CACNA2D2: variants seen among roughly 807,000 people sequenced by gnomAD.
The protein encoded by CACNA2D2 is calcium voltage-gated channel auxiliary subunit alpha2delta 2.
A neutral mutation model predicts 166.4 loss-of-function variants in CACNA2D2; 48 were observed. That is an observed-to-expected ratio of 0.29 (90% CI 0.23 to 0.37). CACNA2D2 has a LOEUF of 0.37. Among genes scored for constraint, CACNA2D2 ranks in the 10% least tolerant of loss-of-function variants. CACNA2D2 has a pLI of 1.00. For missense variants in CACNA2D2, 1,122 were observed against 1,433.0 expected, an observed-to-expected ratio of 0.78 and a Z score of 3.50; for synonymous variants, 561 against 573.7, an observed-to-expected ratio of 0.98 and a Z score of 0.32.
chr3:50,364,250 C>G lies in CACNA2D2; in HGVS notation c.*416G>C, dbSNP rs1207691421. 2 of 195,654 alleles carry G rather than the reference C, an allele frequency of 1.0e-5. No individual in the cohort carries two copies. The highest frequency in any genetic ancestry group is 2.1e-5 in the Non-Finnish European group (2 of 96,380). The allele number at this position is 195,654 out of a possible 1,614,324, so 12.1% of individuals were successfully genotyped here. A position where few individuals can be genotyped will look rare whatever the true frequency, so the allele number is the denominator to read the frequency against. ...AAACTGGCCATCTCACCTTCCTCCA[C>G]TATTCTCACAGAAACCAAGTTTGGG... On this transcript the variant is annotated 3_prime_UTR_variant, in exon 38 of 38. Coordinates refer to ENST00000424201, the MANE Select transcript of CACNA2D2 (RefSeq NM_006030.4).
chr3:50,383,191 C>T (rs904001748), intron 6 of CACNA2D2, among the ~76,000 whole-genome samples: 2 of 152,210 alleles, frequency 1.3e-5, no homozygotes, highest in Admixed American at 6.5e-5. Flanking sequence ...TCGACTGGCT[C>T]GGGCAGGTGG....
chr3:50,437,457 C>A (rs1708402585), intron 2 of CACNA2D2, among the ~76,000 whole-genome samples: 1 of 152,188 alleles, frequency 6.6e-6, no homozygotes, highest in South Asian at 2.1e-4. Context: ...ATGCTGCCAG[C>A]CAAGCCTGCT....
chr3:50,403,327 T>C (rs1706540462), intron 3 of CACNA2D2, among the ~76,000 whole-genome samples: 1 of 152,108 alleles, frequency 6.6e-6, no homozygotes, highest in African/African-American at 2.4e-5. Flanking sequence ...TCCTGACTGG[T>C]TCCCCCTCCC....
Position 50,366,814 on chromosome 3 carries a change from C to CGCCCCT in CACNA2D2, c.2589+11_2589+16dup, listed in dbSNP as rs759053319. The stretch of plus-strand genomic sequence containing the variant: ...AAGGGCACTGCTGGGTTACTGCCCC[C>CGCCCCT]GCCCCTGCCCAAATACCTTCTGAGG... On this transcript the variant is annotated intron_variant, in intron 29 of 37. Coordinates refer to ENST00000424201, the MANE Select transcript of CACNA2D2 (RefSeq NM_006030.4). The surrounding 1 kb of genome is among the most constrained non-coding windows in gnomAD (Gnocchi z 5.9). 22 of 1,611,538 alleles carry CGCCCCT rather than the reference C, an allele frequency of 1.4e-5. No individual in the cohort carries two copies. Among genetic ancestry groups the CGCCCCT allele is most frequent in the Non-Finnish European group, 1.9e-5 (22 of 1,178,810 alleles).
intron 2 of CACNA2D2, among the ~76,000 whole-genome samples, chr3:50,457,550 C>T (rs374287956): frequency 2.6e-5 from 4 of 152,318 alleles, no homozygotes; most frequent in Middle Eastern, 3.4e-3. Flanking sequence ...CAGTCCATCC[C>T]TGGCCCCAGG....
At chr3:50,382,019 CACAA>C (rs1355376601) in intron 6 of CACNA2D2, among the ~76,000 whole-genome samples, 1 of 150,814 alleles carries the variant, frequency 6.6e-6, no homozygotes, top group Non-Finnish European at 1.5e-5. Flanking sequence ...CACACACACA[CACAA>C]ACAAGGCTCC....
intron 2 of CACNA2D2, among the ~76,000 whole-genome samples, chr3:50,460,222 A>G (rs1304141193): frequency 6.6e-6 from 1 of 152,240 alleles, no homozygotes; most frequent in African/African-American, 2.4e-5. Context: ...TCCTGGAACC[A>G]AAAAAGGACA....
At chr3:50,421,658 G>A (rs1208490644) in intron 3 of CACNA2D2, among the ~76,000 whole-genome samples, 1 of 152,098 alleles carries the variant, frequency 6.6e-6, no homozygotes, top group Non-Finnish European at 1.5e-5. Flanking sequence ...GATGATCTGG[G>A]ACTCTGAAGC....
intron 2 of CACNA2D2, among the ~76,000 whole-genome samples, chr3:50,444,602 C>T (rs549842148): frequency 6.6e-6 from 1 of 152,332 alleles, no homozygotes; most frequent in African/African-American, 2.4e-5. Context: ...CCAACTTTCC[C>T]GGCCTCACAG....
chr3:50,403,944 C>T (rs1706568861), intron 3 of CACNA2D2, among the ~76,000 whole-genome samples: 1 of 152,200 alleles, frequency 6.6e-6, no homozygotes, highest in African/African-American at 2.4e-5. Flanking sequence ...TGCCTGATTC[C>T]CTCCCAGATG....
chr3:50,459,308 GC>G (rs1709497406), intron 2 of CACNA2D2, among the ~76,000 whole-genome samples: 2 of 152,232 alleles, frequency 1.3e-5, no homozygotes, highest in East Asian at 1.9e-4. Context: ...GGAGGCAGTT[GC>G]CCCCCTCACT....
intron 5 of CACNA2D2, among the ~76,000 whole-genome samples, chr3:50,386,778 C>T (rs1312666861): frequency 6.6e-6 from 1 of 152,236 alleles, no homozygotes; most frequent in Non-Finnish European, 1.5e-5. Context: ...AGACACTGTG[C>T]TGCTGTGACA....
At chr3:50,426,442 G>T (rs1227828205) in intron 3 of CACNA2D2, among the ~76,000 whole-genome samples, 1 of 152,174 alleles carries the variant, frequency 6.6e-6, no homozygotes, top group African/African-American at 2.4e-5. Flanking sequence ...CTCAGCCAAG[G>T]TGTCCCCACA....
intron 2 of CACNA2D2, among the ~76,000 whole-genome samples, chr3:50,453,889 G>A (rs1709222810): frequency 6.6e-6 from 1 of 152,146 alleles, no homozygotes; most frequent in African/African-American, 2.4e-5. Context: ...GGAGTGGTAG[G>A]TCAGGGAAGG....
Position 50,461,328 on chromosome 3 carries a change from C to T in CACNA2D2, c.288+14790G>A, listed in dbSNP as rs561446481. 3.0e-4 allele frequency among the ~76,000 whole-genome samples: 45 copies of T among 152,284 alleles called. No homozygotes were observed. In the South Asian group the frequency reaches 9.3e-3, roughly 32 times the overall value. On this transcript the variant is annotated intron_variant, in intron 2 of 37. Transcript: ENST00000424201. ...AAAATCTAAGGCAAATGGTTTCCAC[C>T]CTGGACTTCCAACCCACCTGAAATC...
chr3:50,498,417 C>A (rs1698812806), intron 1 of CACNA2D2, among the ~76,000 whole-genome samples: 2 of 152,328 alleles, frequency 1.3e-5, no homozygotes, highest in South Asian at 4.1e-4. Flanking sequence ...CAGCCCCACC[C>A]CCACCTCCAT....
chr3:50,481,374 A>G (rs1357120507), intron 1 of CACNA2D2, among the ~76,000 whole-genome samples: 2 of 152,208 alleles, frequency 1.3e-5, no homozygotes, highest in Non-Finnish European at 2.9e-5. Flanking sequence ...TGCCTCTCCC[A>G]GATGGCCTGT....
Position 50,366,099 on chromosome 3 carries a change from TAGA to T in CACNA2D2, c.2771_2773del (p.Phe924del). The T allele has an allele frequency of 6.2e-7, 1 of 1,613,814 alleles. No homozygotes were observed. Among genetic ancestry groups the T allele is most frequent in the Non-Finnish European group, 8.5e-7 (1 of 1,179,916 alleles). ...ATAGTCATAGGACTCCTTGCGGGTG[TAGA>T]AGGAGTTATTGTAGAGTGCCAGCAT... On this transcript the variant is annotated inframe_deletion, in exon 32 of 38. Transcript: ENST00000424201. The surrounding 1 kb of genome is among the most constrained non-coding windows in gnomAD (Gnocchi z 5.9).
chr3:50,454,518 ATTT>A (rs1039185097), intron 2 of CACNA2D2, among the ~76,000 whole-genome samples: 1 of 152,250 alleles, frequency 6.6e-6, no homozygotes, highest in South Asian at 2.1e-4. Context: ...TGGGAAAGCA[ATTT>A]TTCAATCTCC....
Sources: gnomAD v4.1 joint callset for allele counts (sites outside exome capture counted in the v4.1 genomes callset) on GRCh38, gnomAD v4.1.1 for gene constraint, Gnocchi (gnomAD v3.1) non-coding constraint, MANE v1.5 for transcripts, NCBI Gene and HGNC (gene_info 2026-07-23, HGNC 2026-07-21) for gene names.